The following TTLL6 variants were observed in gnomAD, a reference collection of about 807,000 sequenced individuals.
TTLL6 encodes tubulin polyglutamylase TTLL6.
A neutral mutation model predicts 96.4 loss-of-function variants in TTLL6; 75 were observed. That is an observed-to-expected ratio of 0.78 (90% CI 0.65 to 0.94). The LOEUF (loss-of-function observed/expected upper bound fraction) is 0.94. TTLL6 is among the 40% of genes least tolerant of loss of function. The pLI is 0.00. For synonymous variants in TTLL6, 411 were observed against 419.4 expected (o/e 0.98, Z 0.24); for missense variants, 1,030 against 1,093.0 (o/e 0.94, Z 0.81).
At position 48,791,558 on chromosome 17, in the gene TTLL6, G is replaced by GT. The variant is rs533017141; in HGVS notation, c.1043dup (p.Asn348LysfsTer10). On this transcript the variant is annotated frameshift_variant, in exon 9 of 16. Coordinates refer to ENST00000393382, the MANE Select transcript of TTLL6 (RefSeq NM_001130918.3). LOFTEE classifies it high-confidence loss of function. ...CAATATCCCTCCATATCTGCTCCACGTTGTAGCTGTGGTCCTCCAAGTATG... is the reference window on the plus strand; with the variant it reads ...CAATATCCCTCCATATCTGCTCCACGTTTGTAGCTGTGGTCCTCCAAGTATG... 1.2e-3 allele frequency: 1,892 copies of GT among 1,614,138 alleles called. 12 individuals carry two copies. Among genetic ancestry groups the GT allele is most frequent in the South Asian group, 9.0e-3 (816 of 91,080 alleles).
chr17:48,793,552 G>T (rs2039264815), intron 8 of TTLL6, among the ~76,000 whole-genome samples: 2 of 150,974 alleles, frequency 1.3e-5, no homozygotes, highest in South Asian at 4.2e-4. Flanking sequence ...CCGGGATCGC[G>T]CCATTGCACT....
In TTLL6 at chr17:48,789,941, G is replaced by A. The variant is rs141698391; in HGVS notation, c.1390C>T (p.Arg464Trp). 126 of 1,613,928 alleles carry A rather than the reference G, an allele frequency of 7.8e-5. No homozygotes were observed. The highest frequency in any genetic ancestry group is 1.6e-4 in the Middle Eastern group (1 of 6,084). ...RGQFLQQCCS[R>W]EMRIEEAKGF... ...GGAGTGCGAATGTACCTCATCTCCC[G>A]AGAACAACACTGCTGCAGGAACTGC... The change falls in exon 10 of 16, where the codon CGG becomes TGG. Residue 464 changes from arginine (R) to tryptophan (W), a missense_variant. Physicochemically the swap from Arg to Trp is moderately radical, Grantham distance 101. Coordinates refer to ENST00000393382, the MANE Select transcript of TTLL6 (RefSeq NM_001130918.3).
chr17:48,799,448 C>T (rs534338378), intron 6 of TTLL6, among the ~76,000 whole-genome samples, 156 bp downstream of exon 6: 3 of 152,354 alleles, frequency 2.0e-5, no homozygotes, highest in African/African-American at 2.4e-5. Context: ...GTCAGCACCC[C>T]GGTCAGAACG....
chr17:48,803,948 G>A lies in TTLL6; in HGVS notation c.324-20C>T. The A allele has an allele frequency of 6.4e-7, 1 of 1,551,484 alleles. No individual in the cohort carries two copies. Among genetic ancestry groups the A allele is most frequent in the Non-Finnish European group, 8.7e-7 (1 of 1,146,972 alleles). The stretch of plus-strand genomic sequence containing the variant: ...ACCAATCATCTGGAAAAGAGAAAAA[G>A]GAAAGCAGCAAGACAGAGACACACT... On this transcript the variant is annotated intron_variant, in intron 2 of 15. Coordinates refer to ENST00000393382, the MANE Select transcript of TTLL6 (RefSeq NM_001130918.3).
At chr17:48,812,613 C>T (rs7225935) in intron 1 of TTLL6, among the ~76,000 whole-genome samples, 3,618 of 152,212 alleles carry the variant, frequency 0.024, 170 homozygotes, top group African/African-American at 0.083. Flanking sequence ...TAGAAGGTAC[C>T]CACAAAGTGC....
At chr17:48,811,826 T>C (rs1024725144) in intron 1 of TTLL6, among the ~76,000 whole-genome samples, 1 of 149,710 alleles carries the variant, frequency 6.7e-6, no homozygotes, top group African/African-American at 2.5e-5. Flanking sequence ...GCCTCCCAAA[T>C]AGCTGGGATT....
chr17:48,765,213 A>T (rs72831853), intron 15 of TTLL6, among the ~76,000 whole-genome samples: 38,261 of 152,024 alleles, frequency 0.25, 4,962 homozygotes, highest in Admixed American at 0.38. Flanking sequence ...GGAGTTCAAG[A>T]TGAGCCTGGG....
intron 13 of TTLL6, among the ~76,000 whole-genome samples, chr17:48,781,011 A>C (rs893628131): frequency 3.9e-5 from 6 of 152,090 alleles, no homozygotes; most frequent in African/African-American, 1.4e-4. Flanking sequence ...GTATATACCC[A>C]GGAGTGGGAT....
At chr17:48,796,269 T>A (rs2039315360) in intron 7 of TTLL6, 123 bp from the exon 8 acceptor site, 2 of 699,420 alleles carry the variant, frequency 2.9e-6, no homozygotes, top group Non-Finnish European at 4.7e-6. Context: ...TTTTAGGGCT[T>A]ATTTAGTGTG....
At chr17:48,774,308 C>T (rs908089056) in intron 13 of TTLL6, among the ~76,000 whole-genome samples, 1 of 138,606 alleles carries the variant, frequency 7.2e-6, no homozygotes, top group Non-Finnish European at 1.5e-5. Flanking sequence ...GGACTACAGG[C>T]GCACATTGCC....
chr17:48,791,341 A>G (rs1443090894), intron 9 of TTLL6, 37 bp downstream of exon 9: 19 of 1,575,214 alleles, frequency 1.2e-5, no homozygotes, highest in Non-Finnish European at 1.6e-5. Flanking sequence ...CCCCAATAAC[A>G]GGAGTTCGTT....
intron 9 of TTLL6, 96 bp downstream of exon 9, chr17:48,791,282 T>C (rs1187239051): frequency 3.0e-5 from 34 of 1,132,284 alleles, no homozygotes; most frequent in Non-Finnish European, 4.2e-5. Flanking sequence ...CCTGGGAAGT[T>C]GAAACAATTT....
At chr17:48,806,769 G>A (rs780625406) in intron 1 of TTLL6, among the ~76,000 whole-genome samples, 33 of 152,118 alleles carry the variant, frequency 2.2e-4, no homozygotes, top group South Asian at 1.5e-3. Flanking sequence ...GCTGGTTCAC[G>A]TCTGCAATCC....
intron 8 of TTLL6, chr17:48,794,261 G>A (rs970734842): frequency 1.9e-6 from 3 of 1,613,888 alleles, no homozygotes; most frequent in Admixed American, 1.7e-5. Context: ...AGGGCCTGCT[G>A]TTGGGGTGCC....
chr17:48,811,695 C>CTTTTT (rs34983566), intron 1 of TTLL6, among the ~76,000 whole-genome samples: 4 of 119,010 alleles, frequency 3.4e-5, no homozygotes, highest in African/African-American at 9.8e-5. Context: ...GAGCAGAAAG[C>CTTTTT]TTTTTTTTTT....
intron 13 of TTLL6, among the ~76,000 whole-genome samples, chr17:48,784,703 G>A (rs186651498): frequency 3.3e-5 from 5 of 152,124 alleles, no homozygotes; most frequent in African/African-American, 1.2e-4. Context: ...CACTCCAGGG[G>A]ATAACCTGCC....
At chr17:48,764,211 G>A (rs1353758420) in intron 15 of TTLL6, among the ~76,000 whole-genome samples, 1 of 152,144 alleles carries the variant, frequency 6.6e-6, no homozygotes, top group East Asian at 1.9e-4. Context: ...CTGCACCATG[G>A]ACTCAGTGAC....
At position 48,769,749 on chromosome 17, in the gene TTLL6, G is replaced by C. The variant is rs1238541195; in HGVS notation, c.2389C>G (p.Leu797Val). The C allele has an allele frequency of 7.4e-6, 12 of 1,614,068 alleles. No individual in the cohort carries two copies. The South Asian group carries it at 8.8e-5, about 12-fold the overall frequency. ...SFFPAHYNPK[L>V]GMNNLSQNPS... ...TCACGTGACAGGTTATTCATCCCCAGCTTGGGGTTGTAGTGAGCTGGGAAG... is the reference window on the plus strand; with the variant it reads ...TCACGTGACAGGTTATTCATCCCCACCTTGGGGTTGTAGTGAGCTGGGAAG... The change falls in exon 14 of 16, where the codon CTG becomes GTG. Residue 797 changes from leucine (L) to valine (V), a missense_variant. By Grantham distance (32) the Leu-to-Val change is conservative. Transcript: ENST00000393382.
intron 1 of TTLL6, among the ~76,000 whole-genome samples, chr17:48,808,958 TAAATCC>T (rs984652465): frequency 2.0e-4 from 31 of 152,342 alleles, no homozygotes; most frequent in African/African-American, 6.3e-4. Context: ...TATTCCTTTC[TAAATCC>T]AAATTTGGTG....
Sources: gnomAD v4.1 joint callset for allele counts (sites outside exome capture counted in the v4.1 genomes callset) on GRCh38, gnomAD v4.1.1 for gene constraint, MANE v1.5 for transcripts, NCBI Gene and HGNC (gene_info 2026-07-23, HGNC 2026-07-21) for gene names.